UGT1A4: variants seen among roughly 807,000 people sequenced by gnomAD.
UGT1A4 encodes UDP-glucuronosyltransferase 1A4.
In UGT1A4, 32 loss-of-function variants were observed where a neutral mutation model predicts 41.1. That is an observed-to-expected ratio of 0.78 (90% CI 0.59 to 1.05). The LOEUF (loss-of-function observed/expected upper bound fraction) is 1.05, where lower values mean the gene tolerates loss of function less well. Among genes scored for constraint, UGT1A4 ranks in the 50% least tolerant of loss-of-function variants. The pLI is 0.00. For synonymous variants in UGT1A4, 283 were observed against 265.1 expected (o/e 1.07, Z -0.66); for missense variants, 748 against 677.4 (o/e 1.10, Z -1.16).
intron 1 of UGT1A4, chr2:233,747,734 G>A: frequency 6.2e-7 from 1 of 1,613,288 alleles, no homozygotes; most frequent in Middle Eastern, 1.7e-4. Context: ...TTTTTTTGAG[G>A]AACATTCCAT....
At chr2:233,729,329 A>G in intron 1 of UGT1A4, 1 of 1,614,260 alleles carries the variant, frequency 6.2e-7, no homozygotes, top group East Asian at 2.2e-5. Flanking sequence ...GTGAATATGC[A>G]CATCAAAGAA....
rs1156801962 is a variant in UGT1A4, at chr2:233,725,048, G to A, written c.867+5361G>A. Among the ~76,000 whole-genome samples the A allele has an allele frequency of 5.4e-5, 8 of 147,904 alleles. 1 individual carries two copies. The highest frequency in any genetic ancestry group is 1.5e-4 in the African/African-American group (6 of 39,674). Reference sequence around the variant, plus strand: ...CGGTCTCCACCAAAACCAGTCAGGCGTGGCGGCGCGCGCCTGCAATCGCAG... The same window carrying A: ...CGGTCTCCACCAAAACCAGTCAGGCATGGCGGCGCGCGCCTGCAATCGCAG... On this transcript the variant is annotated intron_variant, in intron 1 of 4. Transcript: ENST00000373409.
intron 4 of UGT1A4, 80 bp from the exon 5 acceptor site, chr2:233,772,181 TC>T: frequency 6.3e-7 from 1 of 1,588,120 alleles, no homozygotes; most frequent in Non-Finnish European, 8.6e-7. Context: ...CTGGTAGTCT[TC>T]TTAAGCAGCC....
intron 1 of UGT1A4, among the ~76,000 whole-genome samples, chr2:233,747,034 C>T (rs1693545520): frequency 6.6e-6 from 1 of 151,808 alleles, no homozygotes; most frequent in Non-Finnish European, 1.5e-5. Context: ...CGAAGTGGGA[C>T]CCATAATGAA....
intron 1 of UGT1A4, chr2:233,741,805 CTTAA>C (rs1691775177): frequency 6.6e-6 from 1 of 151,910 alleles, no homozygotes; most frequent in African/African-American, 2.4e-5. Flanking sequence ...GCATGCTGCT[CTTAA>C]TTTTTTTCAG....
At position 233,773,098 on chromosome 2, in the gene UGT1A4, G is replaced by T; in HGVS notation, c.*539G>T. 6.4e-6 allele frequency: 1 copy of T among 156,852 alleles called. No homozygotes were observed. The highest frequency in any genetic ancestry group is 6.1e-5 in the Admixed American group (1 of 16,412). 9.7% of individuals were successfully genotyped at this position (156,852 alleles called of 1,614,324 possible). ...AATGGCTTGGAGTGCACTGAGAACA[G>T]CATATGATTTCTTGCTTTGGGGAAA... On this transcript the variant is annotated 3_prime_UTR_variant, in exon 5 of 5. Coordinates refer to ENST00000373409, the MANE Select transcript of UGT1A4 (RefSeq NM_007120.3).
At chr2:233,740,769 G>A (rs1277809292) in intron 1 of UGT1A4, 1 of 151,756 alleles carries the variant, frequency 6.6e-6, no homozygotes, top group African/African-American at 2.4e-5. Flanking sequence ...TCAAACCGTT[G>A]TATAAAAGAT....
In UGT1A4 at chr2:233,767,833, T is replaced by C; in HGVS notation, c.1000-16T>C. On this transcript the variant is annotated splice_polypyrimidine_tract_variant and intron_variant, in intron 2 of 4. Transcript: ENST00000373409. ...TATGTTCTTTCTTTACGTTCTGCTC[T>C]TTTTGCCCCTCCCAGGTCCTGTGGC... 2 of 1,614,174 alleles carry C rather than the reference T, an allele frequency of 1.2e-6. No homozygotes were observed. Among genetic ancestry groups the C allele is most frequent in the Non-Finnish European group, 1.7e-6 (2 of 1,180,036 alleles).
At position 233,769,460 on chromosome 2, in the gene UGT1A4, TATGC is replaced by T. The variant is rs1219729658; in HGVS notation, c.1307+1022_1307+1025del. ...GTGTGGGTGCACACGTGTGCATTCA[TATGC>T]GTGTGTGTGTGTGTGCGTGTGTTTA... On this transcript the variant is annotated intron_variant, in intron 4 of 4. Coordinates refer to ENST00000373409, the MANE Select transcript of UGT1A4 (RefSeq NM_007120.3). The surrounding 1 kb of genome is among the most constrained non-coding windows in gnomAD (Gnocchi z 4.4). 1.1e-5 allele frequency: 17 copies of T among 1,601,706 alleles called. No homozygotes were observed. Among genetic ancestry groups the T allele is most frequent in the Non-Finnish European group, 1.3e-5 (15 of 1,170,686 alleles).
Position 233,719,580 on chromosome 2 carries a change from G to A in UGT1A4, c.760G>A (p.Val254Met), listed in dbSNP as rs369777528. ...SVVDLVSYAS[V>M]WLFRGDFVMD... ...GGTGGATCTTGTCAGCTATGCATCC[G>A]TGTGGCTGTTCCGAGGGGACTTTGT... is the stretch of plus-strand genomic sequence containing the variant. Residue 254 changes from valine to methionine, a missense_variant, in exon 1 of 5, where the codon GTG becomes ATG. Physicochemically the swap from Val to Met is conservative, Grantham distance 21. Coordinates refer to ENST00000373409, the MANE Select transcript of UGT1A4 (RefSeq NM_007120.3). 3.3e-5 allele frequency: 53 copies of A among 1,613,798 alleles called. No homozygotes were observed. The highest frequency in any genetic ancestry group is 4.5e-5 in the East Asian group (2 of 44,884).
At chr2:233,747,551 T>C in intron 1 of UGT1A4, 1 of 1,601,212 alleles carries the variant, frequency 6.2e-7, no homozygotes, top group Non-Finnish European at 8.6e-7. Context: ...TTTCTAAAAG[T>C]ATGGCAATTT....
chr2:233,719,356 A>C lies in UGT1A4; in HGVS notation c.536A>C (p.Asp179Ala). Reference protein sequence around the residue: ...AVFFWRYIPCDLDFKGTQCPN... With the variant: ...AVFFWRYIPCALDFKGTQCPN... ...TTTTTTTGGAGGTACATTCCATGTG[A>C]CTTAGACTTTAAGGGCACACAGTGT... The change falls in exon 1 of 5, where the codon GAC becomes GCC. Residue 179 changes from aspartate (D) to alanine (A), a missense_variant. Asp to Ala is a moderately radical substitution (Grantham distance 126, BLOSUM62 -2). Coordinates refer to ENST00000373409, the MANE Select transcript of UGT1A4 (RefSeq NM_007120.3). The C allele has an allele frequency of 6.2e-7, 1 of 1,613,848 alleles. No individual in the cohort carries two copies. Among genetic ancestry groups the C allele is most frequent in the Non-Finnish European group, 8.5e-7 (1 of 1,179,852 alleles).
At chr2:233,742,287 T>C (rs1415995429) in intron 1 of UGT1A4, among the ~76,000 whole-genome samples, 2 of 152,000 alleles carry the variant, frequency 1.3e-5, no homozygotes, top group East Asian at 1.9e-4. Context: ...ATCATTTCTA[T>C]AGATTATAGA....
chr2:233,727,030 G>T (rs2077579042), intron 1 of UGT1A4, among the ~76,000 whole-genome samples: 1 of 152,072 alleles, frequency 6.6e-6, no homozygotes, highest in South Asian at 2.1e-4. Flanking sequence ...TGTACCCTAA[G>T]GAATCTTTAC....
intron 1 of UGT1A4, chr2:233,756,054 A>G (rs530980162): frequency 6.6e-6 from 1 of 152,352 alleles, no homozygotes; most frequent in East Asian, 1.9e-4. Flanking sequence ...ACTCCACTGT[A>G]CACTTGTGGG....
rs1692921739 is a variant in UGT1A4 at position 233,744,781 on chromosome 2, G to GA, written c.868-22248dup. Among the ~76,000 whole-genome samples the GA allele has an allele frequency of 2.0e-5, 3 of 151,856 alleles. No individual in the cohort carries two copies. The South Asian group carries it at 6.2e-4, about 31-fold the overall frequency. On this transcript the variant is annotated intron_variant, in intron 1 of 4. Coordinates refer to ENST00000373409, the MANE Select transcript of UGT1A4 (RefSeq NM_007120.3). ...AGTTTTAACTTTGCAAAATTCTCCTGAAAAATTCTTGGGGATCCCTAGGAT... is the reference window on the plus strand; with the variant it reads ...AGTTTTAACTTTGCAAAATTCTCCTGAAAAAATTCTTGGGGATCCCTAGGAT...
At chr2:233,759,230 A>AG (rs1697089721) in intron 1 of UGT1A4, among the ~76,000 whole-genome samples, 1 of 152,196 alleles carries the variant, frequency 6.6e-6, no homozygotes, top group African/African-American at 2.4e-5. Flanking sequence ...CAAATGAAGG[A>AG]TGGAAACTTG....
rs140117903 is a variant in UGT1A4, at chr2:233,736,068, T to A, written c.867+16381T>A. On this transcript the variant is annotated intron_variant, in intron 1 of 4. Transcript: ENST00000373409. ...TTGAATGTTGGCCTGCCTTGCTAGG[T>A]TTGGGAAGTTCTCCTGGATAATATC... Among the ~76,000 whole-genome samples, 1,506 of 152,332 alleles carry A rather than the reference T, an allele frequency of 9.9e-3. 21 individuals carry two copies. Among genetic ancestry groups the A allele is most frequent in the African/African-American group, 0.035 (1,437 of 41,570 alleles).
intron 1 of UGT1A4, among the ~76,000 whole-genome samples, chr2:233,720,293 G>A (rs1340833186): frequency 6.6e-6 from 1 of 152,182 alleles, no homozygotes; most frequent in Non-Finnish European, 1.5e-5. Flanking sequence ...CTGACCAGGA[G>A]TTGGGGGTCT....
Sources: allele counts gnomAD v4.1 joint callset (sites outside exome capture counted in the v4.1 genomes callset), GRCh38; gene constraint gnomAD v4.1.1; non-coding constraint Gnocchi (gnomAD v3.1); transcripts MANE v1.5; gene names NCBI Gene and HGNC (gene_info 2026-07-23, HGNC 2026-07-21).